CYP46A1: variants seen among roughly 807,000 people sequenced by gnomAD.
The protein encoded by CYP46A1 is cytochrome P450 family 46 subfamily A member 1.
CYP46A1 carries 20 observed loss-of-function variants against 63.3 expected under a neutral mutation model. That is an observed-to-expected ratio of 0.32 (90% CI 0.22 to 0.46). CYP46A1 has a LOEUF of 0.46. Among genes scored for constraint, CYP46A1 ranks in the 20% least tolerant of loss-of-function variants. The pLI is 1.00. For synonymous variants in CYP46A1, 268 were observed against 273.6 expected, an observed-to-expected ratio of 0.98 and a Z score of 0.20; for missense variants, 445 against 670.8, an observed-to-expected ratio of 0.66 and a Z score of 3.72.
At chr14:99,698,068 A>C (rs1469221275) in intron 3 of CYP46A1, among the ~76,000 whole-genome samples, 1 of 152,150 alleles carries the variant, frequency 6.6e-6, no homozygotes, top group East Asian at 1.9e-4. Flanking sequence ...ACACAAAGTC[A>C]GGCATTTCTG....
At position 99,722,644 on chromosome 14, in the gene CYP46A1, C is replaced by CGTGTGTGTGT. The variant is rs10600179; in HGVS notation, c.1176+604_1176+613dup. ...ATCTGAATTGTGTGTTTGCCATTCC[C>CGTGTGTGTGT]GTGTGTGTGTGTGTGTGTGTGTGTG... On this transcript the variant is annotated intron_variant, in intron 12 of 14. Coordinates refer to ENST00000261835, the MANE Select transcript of CYP46A1 (RefSeq NM_006668.2). This position sits in a 1 kb window ranked among gnomAD's most constrained non-coding sequence, Gnocchi z 4.6. 0.058 allele frequency among the ~76,000 whole-genome samples: 8,203 copies of CGTGTGTGTGT among 142,170 alleles called. 309 individuals carry two copies. The highest frequency in any genetic ancestry group is 0.11 in the Middle Eastern group (29 of 272). The allele number at this position is 142,170 out of a possible 152,430, so 93.3% of individuals were successfully genotyped here.
intron 9 of CYP46A1, 113 bp from the exon 10 acceptor site, chr14:99,717,941 C>T (rs2056806282): frequency 3.7e-6 from 3 of 809,372 alleles, no homozygotes. Flanking sequence ...AGCCAGATGC[C>T]TGGGGGCACA....
chr14:99,695,717 A>T (rs1425820860), intron 3 of CYP46A1, among the ~76,000 whole-genome samples: 4 of 151,120 alleles, frequency 2.6e-5, no homozygotes, highest in Admixed American at 2.0e-4. Context: ...TGCAACCTCC[A>T]CCTCCAGGGT....
intron 7 of CYP46A1, chr14:99,711,598 A>G (rs1566832194): frequency 6.6e-6 from 1 of 152,174 alleles, no homozygotes; most frequent in Admixed American, 6.5e-5. Flanking sequence ...GAAAACCTGA[A>G]CAGACCAATG....
At position 99,717,101 on chromosome 14, in the gene CYP46A1, G is replaced by A. The variant is rs142776022; in HGVS notation, c.907+902G>A. On this transcript the variant is annotated intron_variant, in intron 9 of 14. Coordinates refer to ENST00000261835, the MANE Select transcript of CYP46A1 (RefSeq NM_006668.2). ...CCTGCAATGGATAGAAAGGACTTGC[G>A]GAACCAATGGCTGGTCCTCATTCCT... 4.9e-3 allele frequency among the ~76,000 whole-genome samples: 749 copies of A among 152,232 alleles called. 13 individuals are homozygous for A. The Middle Eastern group carries it at 0.051, about 10-fold the overall frequency.
At chr14:99,703,725 C>A in intron 5 of CYP46A1, 1 of 955,132 alleles carries the variant, frequency 1.0e-6, no homozygotes, top group Non-Finnish European at 1.2e-6. Flanking sequence ...CTCACTAGAC[C>A]ACGGATCCCT....
intron 5 of CYP46A1, among the ~76,000 whole-genome samples, chr14:99,704,520 A>ATTTTGG (rs1438577330): frequency 3.9e-5 from 6 of 152,148 alleles, no homozygotes; most frequent in Non-Finnish European, 7.3e-5. Flanking sequence ...ACTTTTCCAG[A>ATTTTGG]TTTTGGTTTT....
chr14:99,684,497 G>T lies in CYP46A1; in HGVS notation c.80G>T (p.Arg27Leu). 6.8e-7 allele frequency: 1 copy of T among 1,479,726 alleles called. No homozygotes were observed. The highest frequency in any genetic ancestry group is 8.9e-7 in the Non-Finnish European group (1 of 1,121,012). The allele number at this position is 1,479,726 out of a possible 1,614,324, so 91.7% of individuals were successfully genotyped here. Reference sequence around the variant, plus strand: ...TGCTGCACCTTCGTGCACCGCGCTCGCAGCCGCTACGAGCACATCCCCGGG... The same window carrying T: ...TGCTGCACCTTCGTGCACCGCGCTCTCAGCCGCTACGAGCACATCCCCGGG... ...GLCCTFVHRA[R>L]SRYEHIPGPP... Residue 27 changes from arginine (R) to leucine (L), a missense_variant, in exon 1 of 15, where the codon CGC becomes CTC. Physicochemically the swap from Arg to Leu is moderately radical, Grantham distance 102 (BLOSUM62 -2). This residue lies in a region of CYP46A1 where 252 missense variants were observed against 383.3 expected (regional missense o/e 0.66). Transcript: ENST00000261835.
chr14:99,703,783 G>A, intron 5 of CYP46A1: 1 of 970,480 alleles, frequency 1.0e-6, no homozygotes, highest in Non-Finnish European at 1.2e-6. Flanking sequence ...CCAGCACCAG[G>A]CACCCCACAA....
At chr14:99,713,865 C>CAAAAAAAAAA (rs71113218) in intron 7 of CYP46A1, among the ~76,000 whole-genome samples, 3 of 67,566 alleles carry the variant, frequency 4.4e-5, no homozygotes, top group Admixed American at 3.4e-4. Flanking sequence ...GACTCCATCT[C>CAAAAAAAAAA]AAAAAAAAAA....
rs551934137 is a variant in CYP46A1, at chr14:99,719,487, G to A, written c.980+1361G>A. 1.3e-4 allele frequency among the ~76,000 whole-genome samples: 19 copies of A among 151,998 alleles called. 1 individual carries two copies. Among genetic ancestry groups the A allele is most frequent in the African/African-American group, 4.3e-4 (18 of 41,440 alleles). ...TCCACCCATCTTGGCATCACAAAGT[G>A]CTGGGATTACAGGTGTGAGCCACTG... is the stretch of plus-strand genomic sequence containing the variant. On this transcript the variant is annotated intron_variant, in intron 10 of 14. Transcript: ENST00000261835.
intron 8 of CYP46A1, 36 bp downstream of exon 8, chr14:99,715,996 G>C: frequency 2.5e-6 from 4 of 1,594,284 alleles, no homozygotes; most frequent in Middle Eastern, 1.7e-4. Context: ...GGGAGGGCGG[G>C]GTGGGCCAGG....
At position 99,716,215 on chromosome 14, in the gene CYP46A1, G is replaced by C; in HGVS notation, c.907+16G>C. 2 of 1,613,784 alleles carry C rather than the reference G, an allele frequency of 1.2e-6. No individual in the cohort carries two copies. Among genetic ancestry groups the C allele is most frequent in the Non-Finnish European group, 1.7e-6 (2 of 1,179,644 alleles). The stretch of plus-strand genomic sequence containing the variant: ...TTCATTGCTGGTTTGTAGCTTTGGC[G>C]GTGGCCAAGGGCCCGGAGCTCTGCA... On this transcript the variant is annotated intron_variant, in intron 9 of 14. Coordinates refer to ENST00000261835, the MANE Select transcript of CYP46A1 (RefSeq NM_006668.2).
At chr14:99,693,849 T>C (rs919772728) in intron 3 of CYP46A1, among the ~76,000 whole-genome samples, 1 of 152,226 alleles carries the variant, frequency 6.6e-6, no homozygotes, top group Non-Finnish European at 1.5e-5. Context: ...TAACATAAAA[T>C]TTACCATTTT....
chr14:99,704,430 A>T (rs2056657778), intron 5 of CYP46A1, among the ~76,000 whole-genome samples: 1 of 152,186 alleles, frequency 6.6e-6, no homozygotes, highest in African/African-American at 2.4e-5. Context: ...ACCACTGATG[A>T]GTTTCATCTC....
At chr14:99,700,251 TAATAGTC>T (rs2056619695) in intron 5 of CYP46A1, 150 bp downstream of exon 5, 1 of 420,242 alleles carries the variant, frequency 2.4e-6, no homozygotes, top group Non-Finnish European at 4.1e-6. Flanking sequence ...GACAGGGTGT[TAATAGTC>T]AAAAGGGAGA....
At chr14:99,718,878 A>G (rs1332232540) in intron 10 of CYP46A1, among the ~76,000 whole-genome samples, 2 of 152,130 alleles carry the variant, frequency 1.3e-5, no homozygotes, top group Non-Finnish European at 2.9e-5. Flanking sequence ...AAATTTTGGG[A>G]AAAGCAGAAA....
intron 1 of CYP46A1, among the ~76,000 whole-genome samples, chr14:99,689,393 A>G (rs1171332188): frequency 2.0e-5 from 3 of 152,224 alleles, no homozygotes; most frequent in Non-Finnish European, 4.4e-5. Flanking sequence ...TCTTGGGGAA[A>G]CAGGTGCAAT....
intron 5 of CYP46A1, chr14:99,706,134 C>T (rs138517205): frequency 0.012 from 1,859 of 153,314 alleles, 91 homozygotes; most frequent in Admixed American, 0.096. Flanking sequence ...GTTGGGAGCT[C>T]TGGGGTGCGA....
Sources: gnomAD v4.1 joint callset for allele counts (sites outside exome capture counted in the v4.1 genomes callset) on GRCh38, gnomAD v4.1.1 for gene constraint, gnomAD v4.1.1 regional missense constraint, Gnocchi (gnomAD v3.1) non-coding constraint, MANE v1.5 for transcripts, NCBI Gene and HGNC (gene_info 2026-07-23, HGNC 2026-07-21) for gene names.